SH3TC1: variants seen among roughly 807,000 people sequenced by gnomAD.
SH3TC1 encodes the protein SH3 domain and tetratricopeptide repeats 1, also known as SH3 domain and tetratricopeptide repeat-containing protein 1.
SH3TC1 carries 135 observed loss-of-function variants against 117.3 expected under a neutral mutation model. The ratio of observed to expected loss-of-function variants is 1.15; its 90% CI spans 1.00 to 1.33. The LOEUF (loss-of-function observed/expected upper bound fraction) is 1.33, where lower values mean the gene tolerates loss of function less well. Among genes scored for constraint, SH3TC1 ranks in the 40% most tolerant of loss-of-function variants. The pLI is 0.00. For missense variants in SH3TC1, 2,092 were observed against 1,794.3 expected (o/e 1.17, Z -3.00); for synonymous variants, 898 against 816.9 (o/e 1.10, Z -1.69).
Position 8,216,116 on chromosome 4 carries a change from A to T in SH3TC1, c.487A>T (p.Thr163Ser). ...KFSTYHALGFTHHCLANLLMD... is the reference protein window; with the variant it reads ...KFSTYHALGFSHHCLANLLMD... ...ACTGGGCCTGGCCTCCACAGGCTTC[A>T]CTCATCACTGCCTGGCAAACCTGCT... The change falls in exon 6 of 18, where the codon ACT becomes TCT. Residue 163 changes from threonine to serine, a missense_variant. Thr to Ser is a moderately conservative substitution (Grantham distance 58, BLOSUM62 1). Transcript: ENST00000245105. 1 of 1,612,928 alleles carries T rather than the reference A, an allele frequency of 6.2e-7. No individual in the cohort carries two copies. The highest frequency in any genetic ancestry group is 8.5e-7 in the Non-Finnish European group (1 of 1,179,920).
At chr4:8,235,252 G>A (rs530837041) in intron 14 of SH3TC1, among the ~76,000 whole-genome samples, 181 bp from the exon 15 acceptor site, 7 of 152,364 alleles carry the variant, frequency 4.6e-5, no homozygotes, top group Admixed American at 2.0e-4. Flanking sequence ...TGGCACTCGG[G>A]TGCATGAGAT....
chr4:8,217,226 G>C (rs562029171), intron 7 of SH3TC1, 59 bp downstream of exon 7: 1 of 1,543,936 alleles, frequency 6.5e-7, no homozygotes, highest in Non-Finnish European at 8.8e-7. Context: ...TCCCAGGCCC[G>C]GGTCATCTGG....
chr4:8,240,805 C>T lies in SH3TC1; in HGVS notation c.3861C>T (p.Tyr1287=), dbSNP rs771402446. ...LKIYTRLATI[Y]HNFLLDREKS... ...TCTACACGCGGCTGGCCACCATCTA[C>T]CACAACTTCCTCCTGGACCGTGAGA... Residue 1287 remains tyrosine, a synonymous_variant, in exon 18 of 18, where the codon TAC becomes TAT. Coordinates refer to ENST00000245105, the MANE Select transcript of SH3TC1 (RefSeq NM_018986.5). 6.2e-7 allele frequency: 1 copy of T among 1,614,158 alleles called. No individual in the cohort carries two copies. The highest frequency in any genetic ancestry group is 1.1e-5 in the South Asian group (1 of 91,090).
At chr4:8,189,070 A>G (rs1299930043) in intron 1 of SH3TC1, among the ~76,000 whole-genome samples, 2 of 152,264 alleles carry the variant, frequency 1.3e-5, no homozygotes, top group Non-Finnish European at 2.9e-5. Context: ...GCAGAAGTGC[A>G]CTTGACTGGG....
At position 8,209,951 on chromosome 4, in the gene SH3TC1, G is replaced by A; in HGVS notation, c.247+129G>A. 1.0e-6 allele frequency: 1 copy of A among 955,096 alleles called. No individual in the cohort carries two copies. The highest frequency in any genetic ancestry group is 1.6e-6 in the Non-Finnish European group (1 of 642,942). 59.2% of individuals were successfully genotyped at this position (955,096 alleles called of 1,614,324 possible). A position where few individuals can be genotyped will look rare whatever the true frequency, so the allele number is the denominator to read the frequency against. Reference sequence around the variant, plus strand: ...AGACTTCCCACCTTAAAATCATGATGGGAATAGAAAGAAGGGTTTGTTAAA... The same window carrying A: ...AGACTTCCCACCTTAAAATCATGATAGGAATAGAAAGAAGGGTTTGTTAAA... On this transcript the variant is annotated intron_variant, in intron 3 of 17. Coordinates refer to ENST00000245105, the MANE Select transcript of SH3TC1 (RefSeq NM_018986.5). This position sits in a 1 kb window ranked among gnomAD's most constrained non-coding sequence, Gnocchi z 5.9.
At position 8,217,034 on chromosome 4, in the gene SH3TC1, G is replaced by GC; in HGVS notation, c.709dup (p.Leu237ProfsTer48). The GC allele has an allele frequency of 6.2e-7, 1 of 1,613,684 alleles. No homozygotes were observed. Among genetic ancestry groups the GC allele is most frequent in the Middle Eastern group, 1.7e-4 (1 of 6,056 alleles). On this transcript the variant is annotated frameshift_variant, in exon 7 of 18. Transcript: ENST00000245105. LOFTEE classifies it high-confidence loss of function. The stretch of plus-strand genomic sequence containing the variant: ...CCGGGATGCAGGAAATGGCCCCCAG[G>GC]CCCTCAGGCAGGCTTCGGGGGCACC...
rs748748491 is a variant in SH3TC1, at chr4:8,205,308, G to A, written c.114G>A (p.Arg38=). 5.8e-6 allele frequency: 9 copies of A among 1,550,360 alleles called. No homozygotes were observed. Among genetic ancestry groups the A allele is most frequent in the Non-Finnish European group, 7.8e-6 (9 of 1,147,002 alleles). ...ACCAGGTCCGGACTGTGGTCATGAG[G>A]CCCTCTGTGAGCTGGGAGAAAGCGG... ...TRDQVRTVVM[R]PSVSWEKAGP... Residue 38 remains arginine, a synonymous_variant, in exon 2 of 18, where the codon AGG becomes AGA. Coordinates refer to ENST00000245105, the MANE Select transcript of SH3TC1 (RefSeq NM_018986.5). The surrounding 1 kb of genome is among the most constrained non-coding windows in gnomAD (Gnocchi z 5.4).
intron 13 of SH3TC1, chr4:8,233,114 A>T: frequency 7.4e-7 from 1 of 1,343,710 alleles, no homozygotes; most frequent in Non-Finnish European, 9.6e-7. Flanking sequence ...GGGGAGATGG[A>T]CTAGCACGCT....
intron 17 of SH3TC1, among the ~76,000 whole-genome samples, chr4:8,238,256 G>A (rs1721998584): frequency 6.6e-6 from 1 of 152,178 alleles, no homozygotes; most frequent in Non-Finnish European, 1.5e-5. Context: ...CCCCAGCTCA[G>A]GGCAGGTGCA....
Position 8,218,342 on chromosome 4 carries a change from T to A in SH3TC1, c.911T>A (p.Leu304Gln). 1 of 1,610,394 alleles carries A rather than the reference T, an allele frequency of 6.2e-7. No individual in the cohort carries two copies. Among genetic ancestry groups the A allele is most frequent in the South Asian group, 1.1e-5 (1 of 90,748 alleles). Residue 304 changes from leucine to glutamine, a missense_variant, in exon 8 of 18, where the codon CTG becomes CAG. Coordinates refer to ENST00000245105, the MANE Select transcript of SH3TC1 (RefSeq NM_018986.5). Reference sequence around the variant, plus strand: ...GGCCCTGTGATGCCCGGCAACCCGCTGATGGGTAAGTGTTTCCATGGGCCT... The same window carrying A: ...GGCCCTGTGATGCCCGGCAACCCGCAGATGGGTAAGTGTTTCCATGGGCCT... ...MGGPVMPGNP[L>Q]MAVGLASALA...
In SH3TC1 at chr4:8,227,734, GC is replaced by G; in HGVS notation, c.2043del (p.Glu682ArgfsTer7). ...LARHHVHLKQPEEALPFLERL... is the reference protein window; with the variant it reads ...LARHHVHLKQXEEALPFLERL... The stretch of plus-strand genomic sequence containing the variant: ...CCAGGCACCACGTGCACCTCAAGCA[GC>G]CCGAGGAGGCCCTGCCCTTCCTAGA... On this transcript the variant is annotated frameshift_variant, in exon 12 of 18. Coordinates refer to ENST00000245105, the MANE Select transcript of SH3TC1 (RefSeq NM_018986.5). LOFTEE classifies it high-confidence loss of function. 1.2e-6 allele frequency: 2 copies of G among 1,600,556 alleles called. No homozygotes were observed. Among genetic ancestry groups the G allele is most frequent in the Non-Finnish European group, 1.7e-6 (2 of 1,172,424 alleles).
upstream of SH3TC1, among the ~76,000 whole-genome samples, chr4:8,195,923 C>G (rs999913179): frequency 1.3e-5 from 2 of 152,218 alleles, no homozygotes; most frequent in Non-Finnish European, 2.9e-5. Context: ...TTGGGGCCAT[C>G]ATCTGAGCAG....
chr4:8,238,131 C>T (rs2152998924), intron 17 of SH3TC1, among the ~76,000 whole-genome samples: 1 of 152,276 alleles, frequency 6.6e-6, no homozygotes, highest in African/African-American at 2.4e-5. Flanking sequence ...TGCCAGGGTG[C>T]CAGCCTGCAC....
intron 10 of SH3TC1, chr4:8,224,773 C>A (rs1285728830): frequency 9.4e-6 from 2 of 212,202 alleles, no homozygotes; most frequent in East Asian, 2.6e-4. Flanking sequence ...TCAATGCGCC[C>A]TGCTCCCTGA....
At chr4:8,233,334 C>T in intron 13 of SH3TC1, 29 bp from the exon 14 acceptor site, 2 of 1,582,988 alleles carry the variant, frequency 1.3e-6, no homozygotes, top group Non-Finnish European at 1.7e-6. Flanking sequence ...GATGACAGCC[C>T]TTGTTCTGAC....
intron 1 of SH3TC1, among the ~76,000 whole-genome samples, chr4:8,202,542 C>T (rs1338517807): frequency 6.6e-6 from 1 of 152,222 alleles, no homozygotes; most frequent in Non-Finnish European, 1.5e-5. Flanking sequence ...CTGGTCCCTG[C>T]CCCTCAGAGG....
chr4:8,222,687 T>TGTTGTTGTC (rs1720049181), intron 9 of SH3TC1, among the ~76,000 whole-genome samples, 153 bp from the exon 10 acceptor site: 1 of 151,960 alleles, frequency 6.6e-6, no homozygotes, highest in African/African-American at 2.4e-5. Flanking sequence ...TTGTTGTTGT[T>TGTTGTTGTC]GTTGTTGTTT....
chr4:8,208,595 C>T (rs1333704902), intron 2 of SH3TC1, among the ~76,000 whole-genome samples: 2 of 152,094 alleles, frequency 1.3e-5, no homozygotes, highest in Non-Finnish European at 2.9e-5. Flanking sequence ...TCAGGTGATC[C>T]ACCTGTCTGA....
chr4:8,215,662 GA>G (rs1188131001), intron 5 of SH3TC1, among the ~76,000 whole-genome samples: 1 of 152,206 alleles, frequency 6.6e-6, no homozygotes, highest in Admixed American at 6.5e-5. Flanking sequence ...CCCCAGACGA[GA>G]GGGGGGAGCT....
Sources: gnomAD v4.1 joint callset for allele counts (sites outside exome capture counted in the v4.1 genomes callset) on GRCh38, gnomAD v4.1.1 for gene constraint, Gnocchi (gnomAD v3.1) non-coding constraint, MANE v1.5 for transcripts, NCBI Gene and HGNC (gene_info 2026-07-23, HGNC 2026-07-21) for gene names.